SV2B: variants seen among roughly 807,000 people sequenced by gnomAD.
The protein encoded by SV2B is solute carrier family 22 member B2.
SV2B carries 41 observed loss-of-function variants against 73.9 expected under a neutral mutation model. That is an observed-to-expected ratio of 0.56 (90% CI 0.43 to 0.72). SV2B has a LOEUF of 0.72. Among genes scored for constraint, SV2B ranks in the 30% least tolerant of loss-of-function variants. The pLI is 0.00. For missense variants in SV2B, 764 were observed against 857.8 expected (o/e 0.89, Z 1.37); for synonymous variants, 314 against 314.2 (o/e 1.00, Z 0.01).
At chr15:91,275,057 G>A (rs1258223053) in intron 9 of SV2B, among the ~76,000 whole-genome samples, 1 of 151,840 alleles carries the variant, frequency 6.6e-6, no homozygotes, top group East Asian at 1.9e-4. Context: ...TATATAGTTA[G>A]GTCTTCCTTT....
rs2042537953 is a variant in SV2B at position 91,128,083 on chromosome 15, A to T, written c.-392+27720A>T. 6.6e-6 allele frequency among the ~76,000 whole-genome samples: 1 copy of T among 152,190 alleles called. No individual in the cohort carries two copies. Among genetic ancestry groups the T allele is most frequent in the Admixed American group, 6.5e-5 (1 of 15,280 alleles). ...TGTGAAAGCTCTTATTATCATTGTC[A>T]CGTTCATCCCAGGGACTCAAATTAA... On this transcript the variant is annotated intron_variant, in intron 1 of 12. Transcript: ENST00000394232. The surrounding 1 kb of genome is among the most constrained non-coding windows in gnomAD (Gnocchi z 4.2).
At chr15:91,135,004 T>A (rs1034312315) in intron 1 of SV2B, among the ~76,000 whole-genome samples, 5 of 151,720 alleles carry the variant, frequency 3.3e-5, no homozygotes, top group Non-Finnish European at 5.9e-5. Flanking sequence ...CCTTTTTTTT[T>A]TTTTTTTTAT....
At chr15:91,126,680 C>A (rs1023274929) in intron 1 of SV2B, among the ~76,000 whole-genome samples, 2 of 152,084 alleles carry the variant, frequency 1.3e-5, no homozygotes, top group Non-Finnish European at 2.9e-5. Context: ...GCATTTATCC[C>A]AAGAATGCAA....
intron 1 of SV2B, among the ~76,000 whole-genome samples, chr15:91,190,780 T>C (rs1191631628): frequency 6.6e-6 from 1 of 152,202 alleles, no homozygotes; most frequent in African/African-American, 2.4e-5. Context: ...TTCTGTAACA[T>C]GACTTTTCTT....
intron 1 of SV2B, among the ~76,000 whole-genome samples, chr15:91,201,938 C>A (rs1228124634): frequency 6.6e-6 from 1 of 152,174 alleles, no homozygotes; most frequent in Non-Finnish European, 1.5e-5. Context: ...AACATAGCAG[C>A]CAGGTGATCC....
Position 91,214,575 on chromosome 15 carries a change from G to A in SV2B, c.-391-11298G>A, listed in dbSNP as rs992115042. Among the ~76,000 whole-genome samples, 2 of 152,156 alleles carry A rather than the reference G, an allele frequency of 1.3e-5. No homozygotes were observed. Among genetic ancestry groups the A allele is most frequent in the South Asian group, 2.1e-4 (1 of 4,824 alleles). On this transcript the variant is annotated intron_variant, in intron 1 of 12. Transcript: ENST00000394232. This position sits in a 1 kb window ranked among gnomAD's most constrained non-coding sequence, Gnocchi z 4.7. The stretch of plus-strand genomic sequence containing the variant: ...ACCTGCTCTGATTCACAGAACTTGC[G>A]AATGGCAGAGCTGGTATCTGTAAAG...
chr15:91,161,020 A>T (rs2043695408), intron 1 of SV2B, among the ~76,000 whole-genome samples: 1 of 126,130 alleles, frequency 7.9e-6, no homozygotes, highest in Admixed American at 8.1e-5. Context: ...CCACGGATTA[A>T]CCTCAAAACA....
intron 1 of SV2B, among the ~76,000 whole-genome samples, chr15:91,158,955 G>A (rs904094014): frequency 3.3e-5 from 5 of 151,792 alleles, no homozygotes; most frequent in African/African-American, 1.2e-4. Context: ...AAGGTTGTAG[G>A]CAGTCCTGGT....
chr15:91,245,305 A>G lies in SV2B; in HGVS notation c.452-6514A>G, dbSNP rs2047179450. On this transcript the variant is annotated intron_variant, in intron 2 of 12. Transcript: ENST00000394232. The surrounding 1 kb of genome is among the most constrained non-coding windows in gnomAD (Gnocchi z 4.2). ...TTCTGAGCAAATAACTAGAAACACCAACAAAGACATATGCATAAAATATTC... is the reference window on the plus strand; with the variant it reads ...TTCTGAGCAAATAACTAGAAACACCGACAAAGACATATGCATAAAATATTC... Among the ~76,000 whole-genome samples the G allele has an allele frequency of 6.6e-6, 1 of 152,252 alleles. No individual in the cohort carries two copies. The highest frequency in any genetic ancestry group is 1.5e-5 in the Non-Finnish European group (1 of 68,048).
In SV2B at chr15:91,239,283, G is replaced by T. The variant is rs1444861704; in HGVS notation, c.452-12536G>T. ...GAGGCATTCATCAATCTCTGCTGGG[G>T]ATGTGCAGAAAATAGTCCAAAGAAG... On this transcript the variant is annotated intron_variant, in intron 2 of 12. Coordinates refer to ENST00000394232, the MANE Select transcript of SV2B (RefSeq NM_001323032.3). This position sits in a 1 kb window ranked among gnomAD's most constrained non-coding sequence, Gnocchi z 5.1. 1.3e-5 allele frequency among the ~76,000 whole-genome samples: 2 copies of T among 151,942 alleles called. No homozygotes were observed. Among genetic ancestry groups the T allele is most frequent in the African/African-American group, 4.8e-5 (2 of 41,358 alleles).
chr15:91,163,741 T>G (rs989211353), intron 1 of SV2B, among the ~76,000 whole-genome samples: 13 of 152,354 alleles, frequency 8.5e-5, no homozygotes, highest in Admixed American at 6.5e-4. Context: ...GTAGTTTCTT[T>G]TGCTGTGCAG....
chr15:91,180,725 C>G (rs2044518184), intron 1 of SV2B, among the ~76,000 whole-genome samples: 1 of 152,200 alleles, frequency 6.6e-6, no homozygotes, highest in African/African-American at 2.4e-5. Flanking sequence ...AGTTCTTGAG[C>G]CTTGGCTTTC....
rs1339474829 is a variant in SV2B at position 91,227,328 on chromosome 15, A to G, written c.451+614A>G. ...GCAGGATAGAGGACCAGCTTTGCAAATCAATTAAGAGATCAGCACCATCAG... is the reference window on the plus strand; with the variant it reads ...GCAGGATAGAGGACCAGCTTTGCAAGTCAATTAAGAGATCAGCACCATCAG... On this transcript the variant is annotated intron_variant, in intron 2 of 12. Transcript: ENST00000394232. The surrounding 1 kb of genome is among the most constrained non-coding windows in gnomAD (Gnocchi z 4.5). 6.6e-6 allele frequency among the ~76,000 whole-genome samples: 1 copy of G among 152,214 alleles called. No individual in the cohort carries two copies. The highest frequency in any genetic ancestry group is 1.9e-4 in the East Asian group (1 of 5,198).
intron 2 of SV2B, among the ~76,000 whole-genome samples, chr15:91,243,517 T>G (rs925954686): frequency 6.6e-6 from 1 of 152,164 alleles, no homozygotes; most frequent in Non-Finnish European, 1.5e-5. Context: ...GAAACCTCAC[T>G]GTTGTCTTAA....
At chr15:91,254,747 G>T (rs2047621092) in intron 4 of SV2B, among the ~76,000 whole-genome samples, 1 of 152,148 alleles carries the variant, frequency 6.6e-6, no homozygotes, top group African/African-American at 2.4e-5. Context: ...CGAACCTTTG[G>T]CAATTCTTGA....
Position 91,232,145 on chromosome 15 carries a change from C to T in SV2B, c.451+5431C>T, listed in dbSNP as rs533057708. Among the ~76,000 whole-genome samples the T allele has an allele frequency of 6.6e-6, 1 of 152,208 alleles. No homozygotes were observed. Among genetic ancestry groups the T allele is most frequent in the African/African-American group, 2.4e-5 (1 of 41,530 alleles). ...CACTCTGTGTCTCAGAAGGGGGTGGCATGGAGGGGGGTCACTTCTGTGGCA... is the reference window on the plus strand; with the variant it reads ...CACTCTGTGTCTCAGAAGGGGGTGGTATGGAGGGGGGTCACTTCTGTGGCA... On this transcript the variant is annotated intron_variant, in intron 2 of 12. Coordinates refer to ENST00000394232, the MANE Select transcript of SV2B (RefSeq NM_001323032.3). The surrounding 1 kb of genome is among the most constrained non-coding windows in gnomAD (Gnocchi z 4.7).
chr15:91,101,865 T>G (rs1427807988), intron 1 of SV2B: 1 of 152,142 alleles, frequency 6.6e-6, no homozygotes, highest in African/African-American at 2.4e-5. Flanking sequence ...CAAGTCAGAC[T>G]TTAATTTTTT....
chr15:91,225,774 G>C (rs2046355199), intron 1 of SV2B, 99 bp from the exon 2 acceptor site: 1 of 160,422 alleles, frequency 6.2e-6, no homozygotes, highest in Non-Finnish European at 1.3e-5. Context: ...TTACACATGA[G>C]GCATTGGCAT....
chr15:91,160,711 A>G (rs1289164063), intron 1 of SV2B, among the ~76,000 whole-genome samples: 2 of 152,232 alleles, frequency 1.3e-5, no homozygotes, highest in African/African-American at 4.8e-5. Flanking sequence ...CCCAAAATAG[A>G]TCCAAGGATA....
Sources: gnomAD v4.1 joint callset for allele counts (sites outside exome capture counted in the v4.1 genomes callset) on GRCh38, gnomAD v4.1.1 for gene constraint, Gnocchi (gnomAD v3.1) non-coding constraint, MANE v1.5 for transcripts, NCBI Gene and HGNC (gene_info 2026-07-23, HGNC 2026-07-21) for gene names.